LMF1: variants seen among roughly 807,000 people sequenced by gnomAD.
LMF1 encodes the protein transmembrane protein 112.
LMF1 carries 68 observed loss-of-function variants against 60.6 expected under a neutral mutation model. The observed-to-expected ratio is 1.12, with a 90% CI of 0.92 to 1.37. The LOEUF is 1.37. Among genes scored for constraint, LMF1 ranks in the 40% most tolerant of loss-of-function variants. The probability of loss-of-function intolerance (pLI) is 0.00; values close to 1 mark genes in which losing one functional copy is unlikely to be tolerated. For missense variants in LMF1, 948 were observed against 767.2 expected (o/e 1.24, Z -2.78); for synonymous variants, 418 against 324.7 (o/e 1.29, Z -3.09).
rs140663767 is a variant in LMF1 at position 929,860 on chromosome 16, G to A, written c.514+4384C>T. On this transcript the variant is annotated intron_variant, in intron 3 of 10. Transcript: ENST00000262301. ...GTCACGTCCGTCTGTGAACGGGGGC[G>A]CACGGCCCTGGGACACAGAGCCCAG... is the stretch of plus-strand genomic sequence containing the variant. 2.5e-4 allele frequency among the ~76,000 whole-genome samples: 38 copies of A among 152,158 alleles called. 1 individual carries two copies. Among genetic ancestry groups the A allele is most frequent in the South Asian group, 1.0e-3 (5 of 4,822 alleles).
At chr16:925,465 C>G (rs180890997) in intron 3 of LMF1, among the ~76,000 whole-genome samples, 5 of 152,238 alleles carry the variant, frequency 3.3e-5, no homozygotes, top group Admixed American at 2.6e-4. Context: ...GTGGCTCATG[C>G]CTGTAATCCC....
At chr16:960,333 T>A (rs1168281699) in intron 1 of LMF1, among the ~76,000 whole-genome samples, 1 of 147,444 alleles carries the variant, frequency 6.8e-6, no homozygotes, top group African/African-American at 2.6e-5. Context: ...AGACACAGAC[T>A]CACGGTGACA....
At chr16:928,814 G>A (rs1403787577) in intron 3 of LMF1, among the ~76,000 whole-genome samples, 1 of 152,002 alleles carries the variant, frequency 6.6e-6, no homozygotes, top group African/African-American at 2.4e-5. Flanking sequence ...GGGTAGGATC[G>A]CCTGGAGGTA....
chr16:889,432 C>A (rs1165650845), intron 5 of LMF1, among the ~76,000 whole-genome samples: 1 of 151,842 alleles, frequency 6.6e-6, no homozygotes, highest in African/African-American at 2.4e-5. Flanking sequence ...GCAGTTCCTT[C>A]TGGGGAGAGA....
chr16:893,214 C>T (rs910495900), intron 4 of LMF1, 142 bp from the exon 5 acceptor site: 42 of 732,026 alleles, frequency 5.7e-5, no homozygotes, highest in African/African-American at 3.0e-4. Context: ...GGGGACCTTA[C>T]GTATGAAACA....
upstream of LMF1, chr16:981,299 TGTGTGAGAGAGA>T (rs747076262): frequency 3.3e-3 from 1,229 of 375,938 alleles, 1 homozygote; most frequent in East Asian, 8.7e-3. Context: ...TGTGTGTGTG[TGTGTGAGAGAGA>T]GAGAGAGAGA....
chr16:934,465 A>C, intron 2 of LMF1: 1 of 594,426 alleles, frequency 1.7e-6, no homozygotes, highest in South Asian at 2.0e-5. Context: ...GGCAACCAAA[A>C]CATATTCCAA....
chr16:976,152 C>A, intron 1 of LMF1: 2 of 453,938 alleles, frequency 4.4e-6, no homozygotes, highest in Non-Finnish European at 8.8e-6. Context: ...GGCCCTGTGT[C>A]CCTTCTCAGA....
chr16:966,118 G>C (rs1397249709), intron 1 of LMF1, among the ~76,000 whole-genome samples: 1 of 152,154 alleles, frequency 6.6e-6, no homozygotes, highest in Non-Finnish European at 1.5e-5. Flanking sequence ...GAGAGAACAA[G>C]TACAGTTAAC....
intron 4 of LMF1, among the ~76,000 whole-genome samples, chr16:894,812 G>A (rs1052186576): frequency 2.6e-5 from 4 of 152,228 alleles, no homozygotes; most frequent in South Asian, 4.1e-4. Context: ...CTCCGTGGGC[G>A]TGCTGGGGTG....
chr16:980,036 G>A (rs1181845573), intron 1 of LMF1: 9 of 327,446 alleles, frequency 2.7e-5, no homozygotes, highest in Admixed American at 1.2e-4. Context: ...GGGAAGAGAG[G>A]GCAGGCCAGG....
intron 5 of LMF1, among the ~76,000 whole-genome samples, 153 bp downstream of exon 5, chr16:892,854 C>G (rs1267546710): frequency 1.3e-5 from 2 of 152,234 alleles, no homozygotes; most frequent in African/African-American, 4.8e-5. Flanking sequence ...GACCACCCAC[C>G]CCGTGAAGGG....
upstream of LMF1, among the ~76,000 whole-genome samples, chr16:974,246 C>T (rs2073094349): frequency 1.3e-5 from 2 of 152,220 alleles, no homozygotes; most frequent in African/African-American, 4.8e-5. Context: ...TCTGCAAACC[C>T]AGAGTGAGCT....
At position 868,951 on chromosome 16, in the gene LMF1, G is replaced by GGGGCCTGCCCGC; in HGVS notation, c.1510_1521dup (p.Ala504_Pro507dup). ...GCAGGGAGGGCATCCTACCTGGGCG[G>GGGGCCTGCCCGC]GGGCCTGCCCGCGAAGGGGTTGTGT... On this transcript the variant is annotated inframe_insertion, in exon 10 of 11. Coordinates refer to ENST00000262301, the MANE Select transcript of LMF1 (RefSeq NM_022773.4). 1 of 1,608,766 alleles carries GGGGCCTGCCCGC rather than the reference G, an allele frequency of 6.2e-7. No homozygotes were observed. Among genetic ancestry groups the GGGGCCTGCCCGC allele is most frequent in the Non-Finnish European group, 8.5e-7 (1 of 1,177,272 alleles).
At position 874,049 on chromosome 16, in the gene LMF1, G is replaced by C. The variant is rs1404781635; in HGVS notation, c.898-2708C>G. Among the ~76,000 whole-genome samples the C allele has an allele frequency of 1.3e-5, 2 of 152,198 alleles. No homozygotes were observed. The highest frequency in any genetic ancestry group is 2.9e-5 in the Non-Finnish European group (2 of 68,034). On this transcript the variant is annotated intron_variant, in intron 6 of 10. Coordinates refer to ENST00000262301, the MANE Select transcript of LMF1 (RefSeq NM_022773.4). This position sits in a 1 kb window ranked among gnomAD's most constrained non-coding sequence, Gnocchi z 4.1. ...CTGGTGGAGGCCCGGCGGCGGGTGT[G>C]AGGGTCTCCTTTGCCGGGTGTGGGG...
intron 10 of LMF1, 45 bp from the exon 11 acceptor site, chr16:854,751 G>GCCCCCGA (rs2069142700): frequency 6.6e-7 from 1 of 1,519,960 alleles, no homozygotes; most frequent in Non-Finnish European, 8.9e-7. Flanking sequence ...GGGACTCCCG[G>GCCCCCGA]CCCCCGACCC....
intron 3 of LMF1, among the ~76,000 whole-genome samples, chr16:916,177 C>A (rs1177086093): frequency 6.6e-6 from 1 of 152,150 alleles, no homozygotes; most frequent in Non-Finnish European, 1.5e-5. Flanking sequence ...CCAGCTGAGG[C>A]CTCATTAACT....
chr16:943,095 G>C (rs2072147166), intron 2 of LMF1, among the ~76,000 whole-genome samples: 1 of 152,178 alleles, frequency 6.6e-6, no homozygotes, highest in African/African-American at 2.4e-5. Context: ...GTCTCGGCCG[G>C]GCACGGTGGC....
chr16:979,437 C>T (rs1046596585), intron 1 of LMF1: 1 of 354,618 alleles, frequency 2.8e-6, no homozygotes, highest in African/African-American at 2.1e-5. Context: ...CCTGCACGCC[C>T]AGCACCTCCC....
Sources: gnomAD v4.1 joint callset for allele counts (sites outside exome capture counted in the v4.1 genomes callset) on GRCh38, gnomAD v4.1.1 for gene constraint, Gnocchi (gnomAD v3.1) non-coding constraint, MANE v1.5 for transcripts, NCBI Gene and HGNC (gene_info 2026-07-23, HGNC 2026-07-21) for gene names.